CRHR1: variants seen among roughly 807,000 people sequenced by gnomAD.
CRHR1 encodes corticotropin-releasing hormone receptor 1.
Under a neutral mutation model 56.0 loss-of-function variants are expected in CRHR1, and 28 were observed. The observed-to-expected ratio is 0.50, with a 90% CI of 0.37 to 0.69. The LOEUF is 0.69. CRHR1 is among the 30% of genes least tolerant of loss of function. The probability of loss-of-function intolerance (pLI) is 0.00; values close to 1 mark genes in which losing one functional copy is unlikely to be tolerated. For synonymous variants in CRHR1, 195 were observed against 216.5 expected (o/e 0.90, Z 0.87); for missense variants, 376 against 548.0 (o/e 0.69, Z 3.13).
chr17:45,804,048 G>T (rs918609580), intron 1 of CRHR1, among the ~76,000 whole-genome samples: 11 of 152,164 alleles, frequency 7.2e-5, no homozygotes, highest in Non-Finnish European at 1.2e-4. Flanking sequence ...CTCTACTTCT[G>T]CATTTTCACT....
At chr17:45,791,833 T>TTTCTC (rs945864453) in intron 1 of CRHR1, among the ~76,000 whole-genome samples, 1 of 127,122 alleles carries the variant, frequency 7.9e-6, no homozygotes, top group Non-Finnish European at 1.6e-5. Context: ...CTCTCTCTCT[T>TTTCTC]TCTCTCTCTC....
intron 2 of CRHR1, among the ~76,000 whole-genome samples, chr17:45,807,974 G>T (rs1385400856): frequency 6.6e-6 from 1 of 152,118 alleles, no homozygotes; most frequent in Non-Finnish European, 1.5e-5. Context: ...GTGTGGTCCT[G>T]GGCATGGCTG....
intron 1 of CRHR1, among the ~76,000 whole-genome samples, chr17:45,793,625 G>A (rs116242745): frequency 5.9e-5 from 9 of 152,336 alleles, no homozygotes; most frequent in African/African-American, 1.7e-4. Context: ...AGCCTGGGGC[G>A]TCTTTTCTCT....
At chr17:45,802,572 C>T (rs568768266) in intron 1 of CRHR1, among the ~76,000 whole-genome samples, 21 of 152,222 alleles carry the variant, frequency 1.4e-4, no homozygotes, top group Non-Finnish European at 2.8e-4. Flanking sequence ...CCTCACAAAC[C>T]TTCCACAGAG....
intron 3 of CRHR1, among the ~76,000 whole-genome samples, chr17:45,817,479 A>C (rs1172742222): frequency 6.6e-6 from 1 of 152,256 alleles, no homozygotes; most frequent in Non-Finnish European, 1.5e-5. Context: ...GTGACCTCCC[A>C]GCACATTGTT....
At chr17:45,796,661 G>A (rs1056854475) in intron 1 of CRHR1, among the ~76,000 whole-genome samples, 1 of 152,186 alleles carries the variant, frequency 6.6e-6, no homozygotes, top group Non-Finnish European at 1.5e-5. Context: ...GAACAGTGGG[G>A]AGATAGTAAA....
At chr17:45,803,434 T>C (rs1040174818) in intron 1 of CRHR1, among the ~76,000 whole-genome samples, 1 of 152,322 alleles carries the variant, frequency 6.6e-6, no homozygotes, top group East Asian at 1.9e-4. Context: ...TTGCCCAGGC[T>C]GGAGTGCAAT....
At chr17:45,818,490 C>T (rs1200094723) in intron 3 of CRHR1, among the ~76,000 whole-genome samples, 2 of 152,226 alleles carry the variant, frequency 1.3e-5, no homozygotes, top group Non-Finnish European at 2.9e-5. Context: ...GCCCTTGGCA[C>T]AGACCTTCTG....
At chr17:45,793,051 ACGT>A (rs1198691823) in intron 1 of CRHR1, among the ~76,000 whole-genome samples, 1 of 152,178 alleles carries the variant, frequency 6.6e-6, no homozygotes, top group African/African-American at 2.4e-5. Flanking sequence ...TCCCCAATGA[ACGT>A]CTGTCTGAGT....
chr17:45,805,498 A>G (rs1021568414), intron 1 of CRHR1, among the ~76,000 whole-genome samples: 1 of 152,108 alleles, frequency 6.6e-6, no homozygotes, highest in African/African-American at 2.4e-5. Context: ...TGGCTTCCAG[A>G]GCTAAGGGTC....
chr17:45,802,158 C>G (rs1373569500), intron 1 of CRHR1, among the ~76,000 whole-genome samples: 1 of 152,126 alleles, frequency 6.6e-6, no homozygotes, highest in African/African-American at 2.4e-5. Context: ...AACCTCATCT[C>G]TACTGAAAAC....
rs538064862 is a variant in CRHR1 at position 45,784,361 on chromosome 17, AGCCGGGCCGG to A, written c.-169_-160del. ...ACTTCCCCGGGAAGGGGCGAGCGAG[AGCCGGGCCGG>A]GCCGGGCCGGGCCGCGGGGCCGGGA... On this transcript the variant is annotated 5_prime_UTR_variant, in exon 1 of 13. Coordinates refer to ENST00000314537, the MANE Select transcript of CRHR1 (RefSeq NM_004382.5). This position sits in a 1 kb window ranked among gnomAD's most constrained non-coding sequence, Gnocchi z 4.2. The A allele has an allele frequency of 5.6e-4, 193 of 345,860 alleles. 2 individuals carry two copies. In the East Asian group the frequency reaches 8.9e-3, roughly 16 times the overall value. 21.4% of individuals were successfully genotyped at this position (345,860 alleles called of 1,614,324 possible).
chr17:45,810,328 C>T (rs1460479941), intron 2 of CRHR1, among the ~76,000 whole-genome samples: 2 of 152,160 alleles, frequency 1.3e-5, no homozygotes, highest in African/African-American at 2.4e-5. Flanking sequence ...ATTTAGTGTC[C>T]ACTGTGTGTT....
At chr17:45,801,045 C>A (rs1224368421) in intron 1 of CRHR1, among the ~76,000 whole-genome samples, 2 of 152,202 alleles carry the variant, frequency 1.3e-5, no homozygotes, top group African/African-American at 4.8e-5. Flanking sequence ...TGTGATTAAC[C>A]TTTGTACCAA....
chr17:45,791,617 A>G (rs2061426287), intron 1 of CRHR1, among the ~76,000 whole-genome samples: 1 of 151,790 alleles, frequency 6.6e-6, no homozygotes, highest in Non-Finnish European at 1.5e-5. Flanking sequence ...GAATTCCTCC[A>G]CCCATCCCTA....
chr17:45,803,757 CGTGT>C (rs553066030), intron 1 of CRHR1, among the ~76,000 whole-genome samples: 2 of 129,546 alleles, frequency 1.5e-5, no homozygotes, highest in East Asian at 2.0e-4. Context: ...AGAGAGAGTG[CGTGT>C]GTGTGTGTGT....
At chr17:45,834,535 T>C in intron 12 of CRHR1, 89 bp from the exon 13 acceptor site, 2 of 1,482,802 alleles carry the variant, frequency 1.3e-6, no homozygotes, top group African/African-American at 2.8e-5. Context: ...GCACAGCCGC[T>C]TACCTGCACA....
chr17:45,790,152 G>A (rs1032804787), intron 1 of CRHR1, among the ~76,000 whole-genome samples: 3 of 152,196 alleles, frequency 2.0e-5, no homozygotes, highest in East Asian at 3.8e-4. Flanking sequence ...CATCAGCTGA[G>A]CTTGAAGGTC....
intron 5 of CRHR1, 66 bp from the exon 6 acceptor site, chr17:45,830,028 G>T (rs2062259270): frequency 1.9e-6 from 3 of 1,603,552 alleles, no homozygotes; most frequent in African/African-American, 1.3e-5. Context: ...TGGGGTGATG[G>T]AGGTGGCCTA....
Sources: gnomAD v4.1 joint callset for allele counts (sites outside exome capture counted in the v4.1 genomes callset) on GRCh38, gnomAD v4.1.1 for gene constraint, Gnocchi (gnomAD v3.1) non-coding constraint, MANE v1.5 for transcripts, NCBI Gene and HGNC (gene_info 2026-07-23, HGNC 2026-07-21) for gene names.